Variants in ZNF143 observed in about 807,000 individuals in gnomAD.
ZNF143 encodes the protein SPH-binding factor.
In ZNF143, 49 loss-of-function variants were observed where a neutral mutation model predicts 74.1. The observed-to-expected ratio is 0.66, with a 90% confidence interval of 0.53 to 0.84. The LOEUF (loss-of-function observed/expected upper bound fraction) is 0.84. ZNF143 is among the 40% of genes least tolerant of loss of function. The pLI, the probability that ZNF143 is intolerant of heterozygous loss-of-function variation, is 0.00. For missense variants in ZNF143, 637 were observed against 793.4 expected (o/e 0.80, Z 2.37); for synonymous variants, 304 against 282.8 (o/e 1.07, Z -0.75).
intron 7 of ZNF143, among the ~76,000 whole-genome samples, chr11:9,486,440 A>AT (rs1462640974): frequency 2.5e-4 from 9 of 35,630 alleles, no homozygotes; most frequent in Admixed American, 5.3e-4. Flanking sequence ...TATATATATA[A>AT]TATATTATAT....
At position 9,482,115 on chromosome 11, in the gene ZNF143, C is replaced by T. The variant is rs540989467; in HGVS notation, c.645+2569C>T. Among the ~76,000 whole-genome samples, 1,072 of 130,866 alleles carry T rather than the reference C, an allele frequency of 8.2e-3. 12 individuals are homozygous for T. The highest frequency in any genetic ancestry group is 0.028 in the African/African-American group (982 of 35,242). 85.9% of individuals were successfully genotyped at this position (130,866 alleles called of 152,430 possible). On this transcript the variant is annotated intron_variant, in intron 7 of 15. Coordinates refer to ENST00000396602, the MANE Select transcript of ZNF143 (RefSeq NM_003442.6). ...CCTCCCGAGTAGCTGGGACTACAGG[C>T]GCCCGCCACCACGCCCGGCTAATTT...
At chr11:9,480,349 T>C (rs1847185335) in intron 7 of ZNF143, among the ~76,000 whole-genome samples, 1 of 152,212 alleles carries the variant, frequency 6.6e-6, no homozygotes, top group African/African-American at 2.4e-5. Flanking sequence ...CTGCTCTTTA[T>C]TTTCTCAGCA....
intron 14 of ZNF143, 59 bp downstream of exon 14, chr11:9,516,421 T>C: frequency 6.8e-7 from 1 of 1,468,236 alleles, no homozygotes; most frequent in Admixed American, 2.0e-5. Context: ...AACAGTTACA[T>C]AGGTATGCAA....
intron 13 of ZNF143, among the ~76,000 whole-genome samples, chr11:9,515,265 G>T (rs1343154328): frequency 6.6e-6 from 1 of 152,188 alleles, no homozygotes; most frequent in East Asian, 1.9e-4. Flanking sequence ...CTGGATACCT[G>T]GAGAGAAGTT....
intron 7 of ZNF143, among the ~76,000 whole-genome samples, chr11:9,488,014 T>G (rs1243895835): frequency 6.6e-6 from 1 of 152,208 alleles, no homozygotes; most frequent in African/African-American, 2.4e-5. Context: ...ATATTTATGA[T>G]TATACAAACT....
intron 14 of ZNF143, among the ~76,000 whole-genome samples, chr11:9,523,550 G>A (rs912702068): frequency 1.3e-5 from 2 of 151,062 alleles, no homozygotes; most frequent in African/African-American, 2.4e-5. Flanking sequence ...TGGCTAACAC[G>A]GTGAAACCCC....
At chr11:9,525,207 T>G in intron 14 of ZNF143, 33 bp from the exon 15 acceptor site, 1 of 1,613,274 alleles carries the variant, frequency 6.2e-7, no homozygotes, top group East Asian at 2.2e-5. Context: ...GGTTTAATTC[T>G]TTATGTGTAT....
At chr11:9,503,557 T>C (rs1411871357) in intron 11 of ZNF143, among the ~76,000 whole-genome samples, 1 of 152,200 alleles carries the variant, frequency 6.6e-6, no homozygotes, top group Non-Finnish European at 1.5e-5. Flanking sequence ...TCTGTCTTTT[T>C]TTATTATAGC....
chr11:9,473,563 A>G (rs1856711745), intron 3 of ZNF143, among the ~76,000 whole-genome samples: 4 of 152,192 alleles, frequency 2.6e-5, no homozygotes. Flanking sequence ...GATGAGAATG[A>G]CAGATGATCT....
intron 13 of ZNF143, among the ~76,000 whole-genome samples, chr11:9,512,818 A>G (rs963979958): frequency 6.6e-6 from 1 of 152,052 alleles, no homozygotes; most frequent in Admixed American, 6.6e-5. Context: ...GGTGTAGTTC[A>G]AAGGTGAGAT....
chr11:9,473,115 G>A (rs1031323418), intron 3 of ZNF143, among the ~76,000 whole-genome samples: 1 of 151,982 alleles, frequency 6.6e-6, no homozygotes, highest in Admixed American at 6.6e-5. Flanking sequence ...TTGGGGCCGG[G>A]CATGGTGGTT....
intron 1 of ZNF143, 57 bp downstream of exon 1, chr11:9,461,133 C>G (rs1036309503): frequency 1.0e-6 from 1 of 969,648 alleles, no homozygotes; most frequent in Non-Finnish European, 1.2e-6. Flanking sequence ...TGGCCGCCGC[C>G]CTCAGCGCGG....
At chr11:9,501,010 C>T in intron 10 of ZNF143, 81 bp from the exon 11 acceptor site, 2 of 1,539,730 alleles carry the variant, frequency 1.3e-6, no homozygotes, top group East Asian at 2.3e-5. Flanking sequence ...GAGCATAATC[C>T]TAGGCAGGAT....
At chr11:9,492,332 G>A (rs1316934038) in intron 7 of ZNF143, among the ~76,000 whole-genome samples, 5 of 151,942 alleles carry the variant, frequency 3.3e-5, no homozygotes, top group Admixed American at 6.6e-5. Flanking sequence ...GACGGGTCTC[G>A]AACTTCCGTC....
At chr11:9,498,980 A>C (rs532011730) in intron 10 of ZNF143, among the ~76,000 whole-genome samples, 1 of 152,328 alleles carries the variant, frequency 6.6e-6, no homozygotes, top group South Asian at 2.1e-4. Context: ...ATTGTATCAG[A>C]GGCGAGTATT....
rs562949702 is a variant in ZNF143 at position 9,521,709 on chromosome 11, A to T, written c.1687-3531A>T. Among the ~76,000 whole-genome samples, 11 of 152,064 alleles carry T rather than the reference A, an allele frequency of 7.2e-5. No individual in the cohort carries two copies. The South Asian group carries it at 2.3e-3, about 32-fold the overall frequency. On this transcript the variant is annotated intron_variant, in intron 14 of 15. Coordinates refer to ENST00000396602, the MANE Select transcript of ZNF143 (RefSeq NM_003442.6). Reference sequence around the variant, plus strand: ...TTTTGTAAGTTTGTCTGTTTCATCTAAGTTTTCATATTTATTGATATAAAG... The same window carrying T: ...TTTTGTAAGTTTGTCTGTTTCATCTTAGTTTTCATATTTATTGATATAAAG...
intron 2 of ZNF143, 93 bp downstream of exon 2, chr11:9,471,513 A>C: frequency 1.1e-6 from 1 of 897,326 alleles, no homozygotes; most frequent in Admixed American, 3.3e-5. Flanking sequence ...ATTTAGCAGA[A>C]AACAATATAA....
At chr11:9,492,802 G>C (rs1047801924) in intron 7 of ZNF143, among the ~76,000 whole-genome samples, 5 of 152,122 alleles carry the variant, frequency 3.3e-5, no homozygotes, top group Non-Finnish European at 7.3e-5. Context: ...TCAAGTAGCT[G>C]ATAGACTAAT....
intron 7 of ZNF143, among the ~76,000 whole-genome samples, chr11:9,483,697 A>G (rs1847343108): frequency 6.7e-6 from 1 of 149,734 alleles, no homozygotes; most frequent in Non-Finnish European, 1.5e-5. Context: ...TCCTGCCTTG[A>G]CATTCCAAAG....
Sources: gnomAD v4.1 joint callset for allele counts (sites outside exome capture counted in the v4.1 genomes callset) on GRCh38, gnomAD v4.1.1 for gene constraint, MANE v1.5 for transcripts, NCBI Gene and HGNC (gene_info 2026-07-23, HGNC 2026-07-21) for gene names.